TRAF3IP1: variants seen among roughly 807,000 people sequenced by gnomAD.
TRAF3IP1 encodes the protein TRAF3-interacting protein 1.
A neutral mutation model predicts 89.9 loss-of-function variants in TRAF3IP1; 53 were observed. The ratio of observed to expected loss-of-function variants is 0.59; its 90% CI spans 0.47 to 0.74. The LOEUF (loss-of-function observed/expected upper bound fraction) is 0.74, where lower values mean the gene tolerates loss of function less well. Among genes scored for constraint, TRAF3IP1 ranks in the 30% least tolerant of loss-of-function variants. TRAF3IP1 has a pLI of 0.00. For missense variants in TRAF3IP1, 806 were observed against 866.1 expected (o/e 0.93, Z 0.87); for synonymous variants, 311 against 322.1 (o/e 0.97, Z 0.37).
chr2:238,392,232 G>A (rs1701023357), intron 15 of TRAF3IP1, among the ~76,000 whole-genome samples: 2 of 152,134 alleles, frequency 1.3e-5, no homozygotes, highest in African/African-American at 4.8e-5. Flanking sequence ...AGAAATAATA[G>A]AGATATACTG....
Position 238,349,335 on chromosome 2 carries a change from C to G in TRAF3IP1, c.1378C>G (p.Arg460Gly). ...AATATTTGGGTTTAGAAGAATTCCTCGGCCTGGGAGTGCAAGACCAGCCCC... is the reference window on the plus strand; with the variant it reads ...AATATTTGGGTTTAGAAGAATTCCTGGGCCTGGGAGTGCAAGACCAGCCCC... ...ELSSNIRRIP[R>G]PGSARPAPPR... Residue 460 changes from arginine to glycine, a missense_variant, in exon 12 of 17, where the codon CGG becomes GGG. Coordinates refer to ENST00000373327, the MANE Select transcript of TRAF3IP1 (RefSeq NM_015650.4). The G allele has an allele frequency of 1.9e-6, 3 of 1,614,088 alleles. No homozygotes were observed. Among genetic ancestry groups the G allele is most frequent in the Non-Finnish European group, 2.5e-6 (3 of 1,180,014 alleles).
intron 15 of TRAF3IP1, 58 bp downstream of exon 15, chr2:238,356,138 A>G: frequency 7.6e-7 from 1 of 1,324,284 alleles, no homozygotes; most frequent in South Asian, 1.2e-5. Context: ...ATGCATTTAC[A>G]GACTTTTACA....
chr2:238,375,850 G>A (rs1306720591), intron 15 of TRAF3IP1, among the ~76,000 whole-genome samples: 1 of 152,188 alleles, frequency 6.6e-6, no homozygotes, highest in Admixed American at 6.5e-5. Flanking sequence ...GTTTTGACAT[G>A]TACATGCTTA....
chr2:238,384,380 G>GTATGTATGTATA (rs1553619335), intron 15 of TRAF3IP1, among the ~76,000 whole-genome samples: 12 of 143,238 alleles, frequency 8.4e-5, no homozygotes, highest in Admixed American at 2.8e-4. Flanking sequence ...ATGTATGTAT[G>GTATGTATGTATA]TATATATATA....
chr2:238,370,859 C>A (rs1014803838), intron 15 of TRAF3IP1, among the ~76,000 whole-genome samples: 1 of 152,156 alleles, frequency 6.6e-6, no homozygotes, highest in Non-Finnish European at 1.5e-5. Context: ...GAAGCACTTG[C>A]CAGAGGTGAA....
chr2:238,331,226 C>T (rs145499461), intron 5 of TRAF3IP1, among the ~76,000 whole-genome samples: 1 of 150,860 alleles, frequency 6.6e-6, no homozygotes, highest in East Asian at 1.9e-4. Flanking sequence ...TTTGGGAGGC[C>T]GAGGCAGGTG....
intron 15 of TRAF3IP1, among the ~76,000 whole-genome samples, chr2:238,361,413 T>G (rs1229483170): frequency 2.0e-5 from 3 of 152,164 alleles, no homozygotes; most frequent in African/African-American, 7.2e-5. Context: ...GGCCAAGAGT[T>G]TAAGGTGCAG....
chr2:238,337,634 G>A (rs1342696513), intron 7 of TRAF3IP1, among the ~76,000 whole-genome samples: 1 of 152,270 alleles, frequency 6.6e-6, no homozygotes, highest in East Asian at 1.9e-4. Flanking sequence ...GGACCAGAGT[G>A]CCAGTGGTGA....
At chr2:238,374,160 A>T (rs1184696015) in intron 15 of TRAF3IP1, among the ~76,000 whole-genome samples, 1 of 152,210 alleles carries the variant, frequency 6.6e-6, no homozygotes, top group East Asian at 1.9e-4. Context: ...GGAACTTCCA[A>T]CACTGTGTTG....
chr2:238,350,196 C>T (rs911459951), intron 12 of TRAF3IP1, among the ~76,000 whole-genome samples: 11 of 151,838 alleles, frequency 7.2e-5, no homozygotes, highest in African/African-American at 2.7e-4. Context: ...AGGAGTTTTG[C>T]CACAAAGAGA....
chr2:238,325,650 T>C (rs1200093143), intron 2 of TRAF3IP1, among the ~76,000 whole-genome samples, 159 bp from the exon 3 acceptor site: 3 of 152,234 alleles, frequency 2.0e-5, no homozygotes, highest in African/African-American at 7.2e-5. Flanking sequence ...GAATTGTTTT[T>C]GTTTTGTCAG....
chr2:238,394,710 A>G (rs556634931), intron 15 of TRAF3IP1, among the ~76,000 whole-genome samples: 17 of 152,326 alleles, frequency 1.1e-4, no homozygotes, highest in African/African-American at 4.1e-4. Flanking sequence ...ATTATTTAAC[A>G]CTTTCTATGT....
At position 238,379,511 on chromosome 2, in the gene TRAF3IP1, T is replaced by G. The variant is rs747133652; in HGVS notation, c.1690-17948T>G. On this transcript the variant is annotated intron_variant, in intron 15 of 16. Coordinates refer to ENST00000373327, the MANE Select transcript of TRAF3IP1 (RefSeq NM_015650.4). This position sits in a 1 kb window ranked among gnomAD's most constrained non-coding sequence, Gnocchi z 4.0. ...TGCCATCACTTGGGTATTTGGAACTTGACCATCCTGTATGTGAATTTTCCT... is the reference window on the plus strand; with the variant it reads ...TGCCATCACTTGGGTATTTGGAACTGGACCATCCTGTATGTGAATTTTCCT... Among the ~76,000 whole-genome samples, 1 of 152,242 alleles carries G rather than the reference T, an allele frequency of 6.6e-6. No homozygotes were observed. The highest frequency in any genetic ancestry group is 1.5e-5 in the Non-Finnish European group (1 of 68,040).
Position 238,335,391 on chromosome 2 carries a change from C to T in TRAF3IP1, c.1063+1356C>T, listed in dbSNP as rs147970226. Among the ~76,000 whole-genome samples the T allele has an allele frequency of 3.6e-3, 543 of 152,288 alleles. 1 individual carries two copies. Among genetic ancestry groups the T allele is most frequent in the Middle Eastern group, 0.017 (5 of 294 alleles). On this transcript the variant is annotated intron_variant, in intron 7 of 16. Coordinates refer to ENST00000373327, the MANE Select transcript of TRAF3IP1 (RefSeq NM_015650.4). Reference sequence around the variant, plus strand: ...CACTTATTCATTGAATGCTTCTCTCCTGCTCTGTGAAGCCTTTTGTAGTCT... The same window carrying T: ...CACTTATTCATTGAATGCTTCTCTCTTGCTCTGTGAAGCCTTTTGTAGTCT...
intron 1 of TRAF3IP1, among the ~76,000 whole-genome samples, chr2:238,322,333 A>G (rs1485975888): frequency 6.6e-6 from 1 of 152,294 alleles, no homozygotes; most frequent in East Asian, 1.9e-4. Context: ...GATGGCGCTC[A>G]GCTCACGGTG....
chr2:238,354,731 A>C (rs1206721880), intron 14 of TRAF3IP1, among the ~76,000 whole-genome samples: 1 of 151,996 alleles, frequency 6.6e-6, no homozygotes, highest in Non-Finnish European at 1.5e-5. Context: ...GCTCACTGCA[A>C]CCTCTGCCTC....
At chr2:238,348,325 C>T (rs973829736) in intron 10 of TRAF3IP1, among the ~76,000 whole-genome samples, 1 of 152,040 alleles carries the variant, frequency 6.6e-6, no homozygotes, top group African/African-American at 2.4e-5. Context: ...AGATATATTA[C>T]TGTACTGGAT....
At chr2:238,322,347 G>A (rs1253638900) in intron 1 of TRAF3IP1, among the ~76,000 whole-genome samples, 1 of 152,230 alleles carries the variant, frequency 6.6e-6, no homozygotes, top group Non-Finnish European at 1.5e-5. Context: ...CACGGTGGCT[G>A]TCCAGTCACT....
chr2:238,369,601 A>G (rs1700021799), intron 15 of TRAF3IP1, among the ~76,000 whole-genome samples: 1 of 151,772 alleles, frequency 6.6e-6, no homozygotes, highest in Admixed American at 6.6e-5. Context: ...TCCTGGGCCG[A>G]AACCTTCCAG....
Sources: allele counts gnomAD v4.1 joint callset (sites outside exome capture counted in the v4.1 genomes callset), GRCh38; gene constraint gnomAD v4.1.1; non-coding constraint Gnocchi (gnomAD v3.1); transcripts MANE v1.5; gene names NCBI Gene and HGNC (gene_info 2026-07-23, HGNC 2026-07-21).